ARFGEF1: variants seen among roughly 807,000 people sequenced by gnomAD.
ARFGEF1 encodes the protein ARF guanine nucleotide exchange factor 1, also known as brefeldin A-inhibited guanine nucleotide-exchange protein 1.
Under a neutral mutation model 231.0 loss-of-function variants are expected in ARFGEF1, and 42 were observed. The observed-to-expected ratio is 0.18, with a 90% CI of 0.14 to 0.24. The LOEUF (loss-of-function observed/expected upper bound fraction) is 0.24, where lower values mean the gene tolerates loss of function less well. ARFGEF1 is among the 10% of genes least tolerant of loss of function. The pLI is 1.00. For synonymous variants in ARFGEF1, 710 were observed against 732.3 expected, an observed-to-expected ratio of 0.97 and a Z score of 0.49; for missense variants, 1,345 against 2,192.0, an observed-to-expected ratio of 0.61 and a Z score of 7.72.
chr8:67,227,284 C>T lies in ARFGEF1; in HGVS notation c.3769G>A (p.Val1257Ile). The T allele has an allele frequency of 6.2e-7, 1 of 1,612,672 alleles. No homozygotes were observed. The highest frequency in any genetic ancestry group is 8.5e-7 in the Non-Finnish European group (1 of 1,179,072). Reference protein sequence around the residue: ...NRSPTIRDMVVRCIAQMVNSQ... With the variant: ...NRSPTIRDMVIRCIAQMVNSQ... Reference sequence around the variant, plus strand: ...TTAACCATCTGTGCTATACACCGTACAACCATATCTCGAATTGTTGGAGAC... The same window carrying T: ...TTAACCATCTGTGCTATACACCGTATAACCATATCTCGAATTGTTGGAGAC... The change falls in exon 27 of 39, where the codon GTA (valine) becomes ATA (isoleucine). Residue 1257 changes from valine to isoleucine, a missense_variant. Val to Ile is a conservative substitution (Grantham distance 29, BLOSUM62 3). Coordinates refer to ENST00000262215, the MANE Select transcript of ARFGEF1 (RefSeq NM_006421.5).
At chr8:67,223,111 CG>C (rs1396710636) in intron 29 of ARFGEF1, among the ~76,000 whole-genome samples, 2 of 152,162 alleles carry the variant, frequency 1.3e-5, no homozygotes, top group Non-Finnish European at 2.9e-5. Context: ...CTTTAATTTT[CG>C]GTATTTATCC....
chr8:67,173,570 A>T (rs1161168174), downstream of ARFGEF1: 1 of 152,168 alleles, frequency 6.6e-6, no homozygotes, highest in Non-Finnish European at 1.5e-5. Context: ...AAAGATAGTA[A>T]GAAGGAAAAA....
intron 5 of ARFGEF1, among the ~76,000 whole-genome samples, 188 bp downstream of exon 5, chr8:67,296,243 G>C (rs1307278826): frequency 5.9e-5 from 9 of 152,144 alleles, no homozygotes; most frequent in Admixed American, 2.0e-4. Flanking sequence ...TTTGTCCAAA[G>C]TTAAGTCGGT....
chr8:67,281,878 C>T (rs1242932336), intron 7 of ARFGEF1, among the ~76,000 whole-genome samples: 1 of 151,694 alleles, frequency 6.6e-6, no homozygotes, highest in African/African-American at 2.4e-5. Context: ...GTGCATGAGC[C>T]AAAGGAAGAA....
chr8:67,289,283 G>T (rs538579852), intron 6 of ARFGEF1, among the ~76,000 whole-genome samples: 20 of 152,024 alleles, frequency 1.3e-4, no homozygotes, highest in Admixed American at 1.1e-3. Context: ...CTGAGCACAG[G>T]GGGGGTCACA....
At chr8:67,222,055 C>T (rs1024769831) in intron 29 of ARFGEF1, among the ~76,000 whole-genome samples, 4 of 150,488 alleles carry the variant, frequency 2.7e-5, no homozygotes, top group Admixed American at 6.6e-5. Context: ...CCTCGTGATC[C>T]GCCCACCTTG....
chr8:67,229,933 G>T (rs1004597163), intron 23 of ARFGEF1, among the ~76,000 whole-genome samples: 1 of 152,070 alleles, frequency 6.6e-6, no homozygotes, highest in African/African-American at 2.4e-5. Context: ...CACAGGGAAG[G>T]GAAGCAATAG....
At chr8:67,212,374 C>T (rs528580695) in intron 33 of ARFGEF1, among the ~76,000 whole-genome samples, 8 of 152,320 alleles carry the variant, frequency 5.3e-5, no homozygotes, top group African/African-American at 9.6e-5. Context: ...TGAGCCACCA[C>T]GCCCAGCCAC....
intron 5 of ARFGEF1, chr8:67,175,715 C>G: frequency 1.9e-6 from 1 of 531,862 alleles, no homozygotes; most frequent in Non-Finnish European, 3.5e-6. Context: ...ACGTCTGCAT[C>G]AGGAACTAGG....
At chr8:67,305,514 A>T (rs1385034798) in intron 1 of ARFGEF1, among the ~76,000 whole-genome samples, 1 of 151,950 alleles carries the variant, frequency 6.6e-6, no homozygotes, top group African/African-American at 2.4e-5. Context: ...CACCTAGTTA[A>T]TTTTGTATTT....
At chr8:67,191,202 C>A (rs545181762) in intron 5 of ARFGEF1, among the ~76,000 whole-genome samples, 21 of 152,346 alleles carry the variant, frequency 1.4e-4, no homozygotes, top group African/African-American at 5.1e-4. Context: ...TGCTCCCCAG[C>A]TTTACAATAT....
chr8:67,264,603 C>T (rs150750616), intron 14 of ARFGEF1, among the ~76,000 whole-genome samples: 127 of 152,100 alleles, frequency 8.3e-4, no homozygotes, highest in African/African-American at 2.9e-3. Context: ...AAGACTGAGA[C>T]GGCATAGTCA....
Position 67,329,548 on chromosome 8 carries a change from A to G in ARFGEF1, c.124+13616T>C, listed in dbSNP as rs1207701473. 2.7e-5 allele frequency among the ~76,000 whole-genome samples: 4 copies of G among 149,470 alleles called. No individual in the cohort carries two copies. In the East Asian group the frequency reaches 7.8e-4, roughly 29 times the overall value. ...CATCTCAAAATAAATAAATAAATAA[A>G]TAAATAAATAAATAAATAAATAAAT... On this transcript the variant is annotated intron_variant, in intron 1 of 38. Transcript: ENST00000262215.
chr8:67,249,167 TC>T (rs1157086196), intron 19 of ARFGEF1, among the ~76,000 whole-genome samples: 1 of 150,392 alleles, frequency 6.6e-6, no homozygotes, highest in Non-Finnish European at 1.5e-5. Flanking sequence ...TATAGACAGT[TC>T]CCAACTTACA....
chr8:67,265,955 T>C, intron 14 of ARFGEF1, 51 bp downstream of exon 14: 2 of 1,571,804 alleles, frequency 1.3e-6, no homozygotes, highest in South Asian at 1.1e-5. Flanking sequence ...GGTGGCACTA[T>C]ACTGGCAGAG....
At chr8:67,251,592 A>C (rs1840286670) in intron 18 of ARFGEF1, 142 bp from the exon 19 acceptor site, 2 of 783,840 alleles carry the variant, frequency 2.6e-6, no homozygotes, top group Non-Finnish European at 3.7e-6. Flanking sequence ...ATATTATATG[A>C]TTACACTTAT....
At chr8:67,338,162 C>T (rs1272919949) in intron 1 of ARFGEF1, among the ~76,000 whole-genome samples, 1 of 152,196 alleles carries the variant, frequency 6.6e-6, no homozygotes, top group East Asian at 1.9e-4. Context: ...AAACAGTCCT[C>T]TGATCTCGAT....
chr8:67,230,452 T>G (rs1251470876), intron 23 of ARFGEF1, among the ~76,000 whole-genome samples: 2 of 152,134 alleles, frequency 1.3e-5, no homozygotes, highest in African/African-American at 4.8e-5. Flanking sequence ...TTAAACTGTA[T>G]GCAATACACA....
At chr8:67,284,404 G>A (rs187679895) in intron 7 of ARFGEF1, among the ~76,000 whole-genome samples, 1 of 152,232 alleles carries the variant, frequency 6.6e-6, no homozygotes, top group African/African-American at 2.4e-5. Flanking sequence ...AGCTGATGGA[G>A]TTCTCCAAGT....
Sources: gnomAD v4.1 joint callset for allele counts (sites outside exome capture counted in the v4.1 genomes callset) on GRCh38, gnomAD v4.1.1 for gene constraint, MANE v1.5 for transcripts, NCBI Gene and HGNC (gene_info 2026-07-23, HGNC 2026-07-21) for gene names.